The following RELL1 variants were observed in gnomAD, a reference collection of about 807,000 sequenced individuals.
RELL1 encodes RELT like 1.
A neutral mutation model predicts 23.0 loss-of-function variants in RELL1; 10 were observed. That is an observed-to-expected ratio of 0.43 (90% CI 0.27 to 0.74). The LOEUF is 0.74. Ranked by LOEUF, RELL1 falls within the 30% of genes least tolerant of loss-of-function variation. The pLI is 0.19. For missense variants in RELL1, 315 were observed against 364.4 expected, an observed-to-expected ratio of 0.86 and a Z score of 1.10; for synonymous variants, 146 against 146.8, an observed-to-expected ratio of 0.99 and a Z score of 0.04.
intron 3 of RELL1, among the ~76,000 whole-genome samples, chr4:37,640,612 C>T (rs1720494567): frequency 6.6e-6 from 1 of 152,178 alleles, no homozygotes; most frequent in African/African-American, 2.4e-5. Flanking sequence ...CTCCCCCATA[C>T]ACTTTAAGTC....
downstream of RELL1, among the ~76,000 whole-genome samples, chr4:37,608,646 A>ATTT (rs35471488): frequency 8.4e-5 from 12 of 142,166 alleles, no homozygotes; most frequent in Non-Finnish European, 1.1e-4. Flanking sequence ...TTTAAATTTA[A>ATTT]TTTTTTTTTT....
chr4:37,615,581 C>T (rs2109235882), intron 6 of RELL1, among the ~76,000 whole-genome samples: 1 of 152,294 alleles, frequency 6.6e-6, no homozygotes, highest in East Asian at 1.9e-4. Flanking sequence ...ACTCACTGTT[C>T]CCAGTTGCCA....
chr4:37,662,556 A>G (rs1721391966), intron 1 of RELL1, among the ~76,000 whole-genome samples: 1 of 149,836 alleles, frequency 6.7e-6, no homozygotes, highest in Admixed American at 6.6e-5. Flanking sequence ...AACTTGAGTG[A>G]TGTCAATATA....
At chr4:37,669,843 G>A (rs1721761906) in intron 1 of RELL1, among the ~76,000 whole-genome samples, 1 of 151,534 alleles carries the variant, frequency 6.6e-6, no homozygotes, top group African/African-American at 2.4e-5. Flanking sequence ...AAGGCAGCAT[G>A]CTCGTTAAGA....
chr4:37,610,576 C>T (rs373118916), downstream of RELL1, among the ~76,000 whole-genome samples: 1 of 152,148 alleles, frequency 6.6e-6, no homozygotes, highest in African/African-American at 2.4e-5. The surrounding 1 kb of genome is among the most constrained non-coding windows in gnomAD (Gnocchi z 4.1). Context: ...TATACTGCCA[C>T]GACTGTATTT....
chr4:37,681,049 C>T (rs1046076681), intron 1 of RELL1, among the ~76,000 whole-genome samples: 2 of 151,790 alleles, frequency 1.3e-5, no homozygotes, highest in African/African-American at 4.8e-5. Context: ...CTCCCACAAA[C>T]TTTAGATCTT....
chr4:37,592,353 G>GAAAA (rs11403816), intron 6 of RELL1, among the ~76,000 whole-genome samples: 4 of 108,182 alleles, frequency 3.7e-5, no homozygotes, highest in African/African-American at 1.3e-4. Flanking sequence ...CCATCTCTAT[G>GAAAA]AAAAAAAAAA....
chr4:37,680,866 A>G lies in RELL1; in HGVS notation c.88+5334T>C, dbSNP rs1031143293. On this transcript the variant is annotated intron_variant, in intron 1 of 6. Transcript: ENST00000454158. ...AGAATGGCATGAACCCTGGAGGCGG[A>G]GCTTGCAGTGAGCTGAGATCGCGCC... is the stretch of plus-strand genomic sequence containing the variant. 1.1e-4 allele frequency among the ~76,000 whole-genome samples: 16 copies of G among 146,160 alleles called. No individual in the cohort carries two copies. In the East Asian group the frequency reaches 3.4e-3, roughly 31 times the overall value.
At chr4:37,622,798 GCTTTT>G (rs773868198) in intron 6 of RELL1, 4 of 418,286 alleles carry the variant, frequency 9.6e-6, no homozygotes, top group South Asian at 3.3e-5. Flanking sequence ...CTCAAGTAAT[GCTTTT>G]TTTTTTTTTT....
intron 6 of RELL1, among the ~76,000 whole-genome samples, chr4:37,614,597 T>A (rs530161537): frequency 2.2e-4 from 33 of 151,456 alleles, no homozygotes; most frequent in Non-Finnish European, 4.6e-4. Flanking sequence ...CAGGTAGGTG[T>A]CAATTCATAT....
At chr4:37,661,984 A>G (rs1254161098) in intron 1 of RELL1, among the ~76,000 whole-genome samples, 1 of 152,152 alleles carries the variant, frequency 6.6e-6, no homozygotes, top group African/African-American at 2.4e-5. Context: ...CCCACCTGCC[A>G]AAGTCCACCC....
intron 1 of RELL1, among the ~76,000 whole-genome samples, chr4:37,652,980 C>G (rs1399704091): frequency 6.6e-6 from 1 of 152,096 alleles, no homozygotes; most frequent in African/African-American, 2.4e-5. Flanking sequence ...TGTTTCCTCT[C>G]TGTTAAAAGG....
chr4:37,601,626 A>C (rs1719018031), intron 6 of RELL1, among the ~76,000 whole-genome samples: 1 of 152,232 alleles, frequency 6.6e-6, no homozygotes. Flanking sequence ...TTGCAAAAGC[A>C]TTTCACAACA....
chr4:37,604,840 G>GACAC (rs1553871536), intron 6 of RELL1, among the ~76,000 whole-genome samples: 4 of 37,836 alleles, frequency 1.1e-4, no homozygotes, highest in Non-Finnish European at 1.2e-4. Context: ...CATACACACA[G>GACAC]ACACACACAC....
chr4:37,659,854 A>T (rs1403997211), intron 1 of RELL1, among the ~76,000 whole-genome samples: 1 of 152,040 alleles, frequency 6.6e-6, no homozygotes. Flanking sequence ...AGCCGTCCTA[A>T]TCTCTCCCAA....
At chr4:37,678,711 A>G (rs1428288799) in intron 1 of RELL1, among the ~76,000 whole-genome samples, 2 of 152,246 alleles carry the variant, frequency 1.3e-5, no homozygotes, top group Non-Finnish European at 2.9e-5. Flanking sequence ...ACACTTTTTC[A>G]TCACTTACTG....
At chr4:37,681,595 C>G (rs1406933348) in intron 1 of RELL1, among the ~76,000 whole-genome samples, 1 of 128,968 alleles carries the variant, frequency 7.8e-6, no homozygotes, top group Non-Finnish European at 1.6e-5. Flanking sequence ...GTGGCACGAT[C>G]TCAGCTCACT....
Position 37,631,626 on chromosome 4 carries a change from G to A in RELL1, c.681-103C>T. The A allele has an allele frequency of 3.1e-6, 4 of 1,305,292 alleles. No homozygotes were observed. The South Asian group carries it at 5.7e-5, about 18-fold the overall frequency. 80.9% of individuals were successfully genotyped at this position (1,305,292 alleles called of 1,614,324 possible). ...ACCCAGAGGATCTCAAATGAACTCA[G>A]CCAAAAGTTAGGACACAAATGAAAA... is the stretch of plus-strand genomic sequence containing the variant. On this transcript the variant is annotated intron_variant, in intron 5 of 6. Transcript: ENST00000454158.
At chr4:37,604,152 G>A (rs534682257) in intron 6 of RELL1, among the ~76,000 whole-genome samples, 7 of 152,110 alleles carry the variant, frequency 4.6e-5, no homozygotes, top group Admixed American at 1.3e-4. Flanking sequence ...TGAGGCTAGC[G>A]TCCGTCACCA....
Sources: allele counts gnomAD v4.1 joint callset (sites outside exome capture counted in the v4.1 genomes callset), GRCh38; gene constraint gnomAD v4.1.1; non-coding constraint Gnocchi (gnomAD v3.1); transcripts MANE v1.5; gene names NCBI Gene and HGNC (gene_info 2026-07-23, HGNC 2026-07-21).